SF3B1: variants seen among roughly 807,000 people sequenced by gnomAD.
SF3B1 encodes pre-mRNA processing 10.
A neutral mutation model predicts 153.8 loss-of-function variants in SF3B1; 12 were observed. The observed-to-expected ratio is 0.08, with a 90% confidence interval of 0.05 to 0.13. The LOEUF is 0.13. Among genes scored for constraint, SF3B1 ranks in the 10% least tolerant of loss-of-function variants. SF3B1 has a pLI of 1.00. For missense variants in SF3B1, 513 were observed against 1,606.1 expected, an observed-to-expected ratio of 0.32 and a Z score of 11.63; for synonymous variants, 498 against 525.2, an observed-to-expected ratio of 0.95 and a Z score of 0.71.
At chr2:197,412,093 G>T (rs1172972879) in intron 6 of SF3B1, among the ~76,000 whole-genome samples, 5 of 141,456 alleles carry the variant, frequency 3.5e-5, no homozygotes, top group African/African-American at 1.3e-4. Flanking sequence ...CTGGGTGAGA[G>T]TGAGACTCTG....
chr2:197,411,334 A>G (rs974667266), intron 6 of SF3B1, among the ~76,000 whole-genome samples: 1 of 152,228 alleles, frequency 6.6e-6, no homozygotes, highest in Non-Finnish European at 1.5e-5. Flanking sequence ...CTGCCTCGTA[A>G]GTATTCCACA....
At chr2:197,398,732 G>A (rs958494680) in intron 20 of SF3B1, 151 bp from the exon 21 acceptor site, 1 of 709,098 alleles carries the variant, frequency 1.4e-6, no homozygotes, top group Non-Finnish European at 2.3e-6. Context: ...ACCAGACTCA[G>A]AATCGTTTTT....
At chr2:197,414,109 T>TA (rs2085112293) in intron 6 of SF3B1, among the ~76,000 whole-genome samples, 1 of 152,104 alleles carries the variant, frequency 6.6e-6, no homozygotes, top group South Asian at 2.1e-4. Flanking sequence ...TGCCCAGCCC[T>TA]TAATGTTTTG....
chr2:197,435,075 T>C (rs1239982529), upstream of SF3B1: 14 of 1,610,556 alleles, frequency 8.7e-6, no homozygotes, highest in Admixed American at 3.3e-5. Flanking sequence ...CGGAGAAAAA[T>C]AGCTGGGGGC....
Position 197,400,856 on chromosome 2 carries a change from A to C in SF3B1, c.2577T>G (p.Asp859Glu), listed in dbSNP as rs1415129127. 6.2e-7 allele frequency: 1 copy of C among 1,613,770 alleles called. No individual in the cohort carries two copies. Among genetic ancestry groups the C allele is most frequent in the Admixed American group, 1.7e-5 (1 of 60,006 alleles). Residue 859 changes from aspartate (D) to glutamate (E), a missense_variant, in exon 18 of 25, where the codon GAT becomes GAG. Asp to Glu is a conservative substitution (Grantham distance 45). This residue lies in a region of SF3B1 where 50 missense variants were observed against 236.5 expected (regional missense o/e 0.21). Coordinates refer to ENST00000335508, the MANE Select transcript of SF3B1 (RefSeq NM_012433.4). This position sits in a 1 kb window ranked among gnomAD's most constrained non-coding sequence, Gnocchi z 5.0. ...IISRIVDDLK[D>E]EAEQYRKMVM... The stretch of plus-strand genomic sequence containing the variant: ...CCATTTTTCTGTACTGTTCGGCTTC[A>C]TCTTTCAGATCATCCACAATCCTGG...
chr2:197,413,814 G>GTT (rs536705203), intron 6 of SF3B1, among the ~76,000 whole-genome samples: 2 of 145,710 alleles, frequency 1.4e-5, no homozygotes, highest in Admixed American at 6.9e-5. Flanking sequence ...GTTTTGTTTT[G>GTT]TTTTTTTTTT....
chr2:197,420,221 T>C (rs2085217707), intron 4 of SF3B1: 2 of 454,726 alleles, frequency 4.4e-6, no homozygotes, highest in African/African-American at 2.0e-5. Flanking sequence ...ATTTTTTTCT[T>C]GTCCTTCTAC....
intron 1 of SF3B1, among the ~76,000 whole-genome samples, chr2:197,432,890 G>A (rs181746413): frequency 1.3e-5 from 2 of 152,034 alleles, no homozygotes; most frequent in Non-Finnish European, 2.9e-5. Context: ...AATAAAAAAA[G>A]AAATGTTTGA....
intron 1 of SF3B1, among the ~76,000 whole-genome samples, chr2:197,428,207 G>C (rs2085365504): frequency 6.6e-6 from 1 of 151,892 alleles, no homozygotes; most frequent in African/African-American, 2.4e-5. Context: ...TGTAGTCCCA[G>C]ATACTCAGGA....
intron 1 of SF3B1, among the ~76,000 whole-genome samples, chr2:197,430,642 T>C (rs1014699734): frequency 1.3e-5 from 2 of 152,138 alleles, no homozygotes; most frequent in East Asian, 1.9e-4. Flanking sequence ...TTAGTAGAGA[T>C]AGGGTTTCAC....
chr2:197,392,769 G>A (rs928184949), intron 24 of SF3B1, among the ~76,000 whole-genome samples: 3 of 151,956 alleles, frequency 2.0e-5, no homozygotes, highest in African/African-American at 7.3e-5. Flanking sequence ...GGCAGTGGGG[G>A]GAAAGGGGAG....
Position 197,400,628 on chromosome 2 carries a change from G to T in SF3B1, c.2718+87C>A. ...TTTAAAAATTACTTCAAATTCAATT[G>T]CATTCTAGAAAAATTTGCTTGACAA... On this transcript the variant is annotated intron_variant, in intron 18 of 24. Coordinates refer to ENST00000335508, the MANE Select transcript of SF3B1 (RefSeq NM_012433.4). The surrounding 1 kb of genome is among the most constrained non-coding windows in gnomAD (Gnocchi z 5.0). The T allele has an allele frequency of 9.0e-7, 1 of 1,107,128 alleles. No homozygotes were observed. The highest frequency in any genetic ancestry group is 1.3e-6 in the Non-Finnish European group (1 of 766,562). The allele number at this position is 1,107,128 out of a possible 1,614,324, so 68.6% of individuals were successfully genotyped here. A position where few individuals can be genotyped will look rare whatever the true frequency, so the allele number is the denominator to read the frequency against.
chr2:197,414,344 A>C (rs1203260267), intron 6 of SF3B1, among the ~76,000 whole-genome samples: 2 of 152,224 alleles, frequency 1.3e-5, no homozygotes, highest in East Asian at 3.8e-4. Flanking sequence ...AAAGACAAGA[A>C]TGAGATCCTA....
In SF3B1 at chr2:197,390,967, A is replaced by T. The variant is rs1431685032; in HGVS notation, c.*1336T>A. ...AAAGTGTCAATAGGCAGTTTTACTT[A>T]CAGTAGTAGTTATATACTAATGCTG... On this transcript the variant is annotated 3_prime_UTR_variant, in exon 25 of 25. Coordinates refer to ENST00000335508, the MANE Select transcript of SF3B1 (RefSeq NM_012433.4). 6.6e-6 allele frequency: 1 copy of T among 152,200 alleles called. No individual in the cohort carries two copies. The highest frequency in any genetic ancestry group is 1.5e-5 in the Non-Finnish European group (1 of 68,032). The allele number at this position is 152,200 out of a possible 1,614,324, so 9.4% of individuals were successfully genotyped here. A position where few individuals can be genotyped will look rare whatever the true frequency, so the allele number is the denominator to read the frequency against.
In SF3B1 at chr2:197,403,006, A is replaced by T. The variant is rs1331956764; in HGVS notation, c.1749T>A (p.Ile583=). 6.2e-7 allele frequency: 1 copy of T among 1,613,190 alleles called. No individual in the cohort carries two copies. The highest frequency in any genetic ancestry group is 1.7e-5 in the Admixed American group (1 of 59,858). The part of the protein sequence containing the change: ...KILVVIEPLL[I]DEDYYARVEG... ...CCACTCTAGCATAGTAATCTTCATC[A>T]ATCAATAGCGGTTCAATGACCACGA... The change falls in exon 13 of 25, where the codon ATT becomes ATA. Residue 583 remains isoleucine (I), a synonymous_variant. Transcript: ENST00000335508.
chr2:197,418,562 T>C lies in SF3B1; in HGVS notation c.442A>G (p.Asn148Asp). 6.2e-7 allele frequency: 1 copy of C among 1,612,786 alleles called. No individual in the cohort carries two copies. The highest frequency in any genetic ancestry group is 8.5e-7 in the Non-Finnish European group (1 of 1,179,104). ...ATTACATCCATGTAAGTCCTAGCAT[T>C]CATTTTAGGATCAGGGGTTTTCCCT... ...DGGKTPDPKMNARTYMDVMRE... is the reference protein window; with the variant it reads ...DGGKTPDPKMDARTYMDVMRE... Residue 148 changes from asparagine to aspartate, a missense_variant, in exon 5 of 25, where the codon AAT becomes GAT. This residue lies in a region of SF3B1 where 45 missense variants were observed against 65.5 expected (regional missense o/e 0.69). Transcript: ENST00000335508.
At chr2:197,427,791 C>T (rs1210980486) in intron 1 of SF3B1, among the ~76,000 whole-genome samples, 3 of 152,126 alleles carry the variant, frequency 2.0e-5, no homozygotes, top group South Asian at 4.2e-4. Flanking sequence ...GAGGCCGAGG[C>T]GGGTGGATCA....
intron 6 of SF3B1, among the ~76,000 whole-genome samples, chr2:197,412,362 A>G (rs990940319): frequency 2.0e-5 from 3 of 150,028 alleles, no homozygotes; most frequent in Non-Finnish European, 3.0e-5. Context: ...TTATTTATTT[A>G]TTTATTTATT....
chr2:197,424,896 AC>A (rs1437316446), intron 1 of SF3B1, among the ~76,000 whole-genome samples: 1 of 152,200 alleles, frequency 6.6e-6, no homozygotes, highest in Non-Finnish European at 1.5e-5. Flanking sequence ...GCGGTGGTCC[AC>A]GCCTATAATC....
Sources: gnomAD v4.1 joint callset for allele counts (sites outside exome capture counted in the v4.1 genomes callset) on GRCh38, gnomAD v4.1.1 for gene constraint, gnomAD v4.1.1 regional missense constraint, Gnocchi (gnomAD v3.1) non-coding constraint, MANE v1.5 for transcripts, NCBI Gene and HGNC (gene_info 2026-07-23, HGNC 2026-07-21) for gene names.